RAD51B: variants seen among roughly 807,000 people sequenced by gnomAD.
RAD51B encodes DNA repair protein RAD51 homolog 2.
A neutral mutation model predicts 42.2 loss-of-function variants in RAD51B; 38 were observed. The observed-to-expected ratio is 0.90, with a 90% confidence interval of 0.70 to 1.18. RAD51B has a LOEUF of 1.18. Ranked by LOEUF, RAD51B falls within the 50% of genes most tolerant of loss-of-function variation. The probability of loss-of-function intolerance (pLI) is 0.00; values close to 1 mark genes in which losing one functional copy is unlikely to be tolerated. For synonymous variants in RAD51B, 154 were observed against 145.2 expected, an observed-to-expected ratio of 1.06 and a Z score of -0.43; for missense variants, 373 against 400.7, an observed-to-expected ratio of 0.93 and a Z score of 0.59.
chr14:68,423,301 G>A (rs552581841), intron 9 of RAD51B, among the ~76,000 whole-genome samples: 53 of 152,242 alleles, frequency 3.5e-4, no homozygotes, highest in Admixed American at 8.5e-4. Context: ...GTCTGGGAGG[G>A]ATTGAAAACA....
Position 67,843,780 on chromosome 14 carries a change from C to A in RAD51B, c.315+8584C>A, listed in dbSNP as rs116932777. Among the ~76,000 whole-genome samples, 208 of 148,876 alleles carry A rather than the reference C, an allele frequency of 1.4e-3. 3 individuals are homozygous for A. The East Asian group carries it at 0.037, about 26-fold the overall frequency. Reference sequence around the variant, plus strand: ...TAGCTAGCAGTTTATCTTATATATTCTTTCAAGGAACAAACTCCTTGATTC... The same window carrying A: ...TAGCTAGCAGTTTATCTTATATATTATTTCAAGGAACAAACTCCTTGATTC... On this transcript the variant is annotated intron_variant, in intron 4 of 10. Transcript: ENST00000471583.
At chr14:68,039,107 G>GA (rs2076178203) in intron 7 of RAD51B, among the ~76,000 whole-genome samples, 1 of 152,020 alleles carries the variant, frequency 6.6e-6, no homozygotes, top group Admixed American at 6.6e-5. Flanking sequence ...GAAAGTGATG[G>GA]AAAAAATGTT....
At chr14:68,100,990 G>A (rs7145089) in intron 7 of RAD51B, among the ~76,000 whole-genome samples, 15,721 of 152,160 alleles carry the variant, frequency 0.1, 2,465 homozygotes, top group African/African-American at 0.34. Flanking sequence ...GAAACTTACA[G>A]TCATGGCAGA....
intron 7 of RAD51B, among the ~76,000 whole-genome samples, chr14:68,059,559 G>A (rs556103451): frequency 8.9e-4 from 135 of 152,156 alleles, no homozygotes; most frequent in African/African-American, 2.8e-3. Context: ...ACATATGCCC[G>A]TAATATTCCC....
intron 8 of RAD51B, among the ~76,000 whole-genome samples, chr14:68,338,471 A>C (rs568044988): frequency 6.6e-6 from 1 of 152,294 alleles, no homozygotes; most frequent in South Asian, 2.1e-4. Context: ...CAGCCCAGGG[A>C]GACTAGCATC....
At chr14:68,394,994 G>A (rs1275427575) in intron 8 of RAD51B, among the ~76,000 whole-genome samples, 2 of 151,996 alleles carry the variant, frequency 1.3e-5, no homozygotes, top group Non-Finnish European at 2.9e-5. Context: ...CACTGGCCTC[G>A]GCTCCCCGCA....
intron 11 of RAD51B, among the ~76,000 whole-genome samples, chr14:68,656,124 T>C (rs1174163590): frequency 1.3e-5 from 2 of 152,124 alleles, no homozygotes; most frequent in Admixed American, 6.5e-5. Context: ...TGGCAGGCAT[T>C]GACAGCACCA....
chr14:67,911,554 A>G (rs1008364965), intron 7 of RAD51B, among the ~76,000 whole-genome samples: 2 of 152,162 alleles, frequency 1.3e-5, no homozygotes, highest in African/African-American at 4.8e-5. Flanking sequence ...GAGGGGTGCC[A>G]TTTCTGATTA....
chr14:68,349,619 G>A (rs1297930496), intron 8 of RAD51B, among the ~76,000 whole-genome samples: 1 of 152,162 alleles, frequency 6.6e-6, no homozygotes, highest in African/African-American at 2.4e-5. Context: ...ACCCACCTCG[G>A]CCTCCCAAAG....
chr14:68,405,237 G>C (rs2140063230), intron 8 of RAD51B, among the ~76,000 whole-genome samples: 2 of 152,218 alleles, frequency 1.3e-5, no homozygotes, highest in South Asian at 4.1e-4. Flanking sequence ...AAAAAATATT[G>C]CCTTTCCACC....
At chr14:68,022,251 A>G (rs2075879215) in intron 7 of RAD51B, among the ~76,000 whole-genome samples, 1 of 152,172 alleles carries the variant, frequency 6.6e-6, no homozygotes, top group African/African-American at 2.4e-5. Context: ...TGTTGCTGCA[A>G]AGGACATGAT....
At chr14:67,848,543 A>C (rs959336791) in intron 4 of RAD51B, among the ~76,000 whole-genome samples, 3 of 151,752 alleles carry the variant, frequency 2.0e-5, no homozygotes, top group African/African-American at 7.3e-5. Flanking sequence ...CTAGCTTACC[A>C]TTCTGTGTCT....
At chr14:68,207,209 TAC>T (rs531785707) in intron 7 of RAD51B, among the ~76,000 whole-genome samples, 13 of 150,846 alleles carry the variant, frequency 8.6e-5, no homozygotes, top group Middle Eastern at 3.4e-3. Flanking sequence ...TGGGGAAAAA[TAC>T]ACACACACAC....
chr14:68,427,982 G>A (rs2084895118), intron 9 of RAD51B, among the ~76,000 whole-genome samples: 1 of 152,214 alleles, frequency 6.6e-6, no homozygotes, highest in South Asian at 2.1e-4. Context: ...TATTGTGAAA[G>A]TGAGTTTGTT....
In RAD51B at chr14:68,331,377, A is replaced by AAAAAAAAAAAAAAAAAAAAAAAAC. The variant is rs2082347240; in HGVS notation, c.853+39405_853+39406insAAAAAAAAAAAAAAACAAAAAAAA. Among the ~76,000 whole-genome samples the AAAAAAAAAAAAAAAAAAAAAAAAC allele has an allele frequency of 1.4e-5, 2 of 147,720 alleles. 1 individual carries two copies. Among genetic ancestry groups the AAAAAAAAAAAAAAAAAAAAAAAAC allele is most frequent in the African/African-American group, 4.9e-5 (2 of 40,720 alleles). Reference sequence around the variant, plus strand: ...AACGAGACTCTGTCTCAAAAAAAAAAAAAAAAAAGCAATGGTGTTGGCATT... The same window carrying AAAAAAAAAAAAAAAAAAAAAAAAC: ...AACGAGACTCTGTCTCAAAAAAAAAAAAAAAAAAAAAAAAAAAAAAAAACAAAAAAAAGCAATGGTGTTGGCATT... On this transcript the variant is annotated intron_variant, in intron 8 of 10. Coordinates refer to ENST00000471583, the MANE Select transcript of RAD51B (RefSeq NM_133510.4).
intron 8 of RAD51B, among the ~76,000 whole-genome samples, chr14:68,344,283 C>T (rs1029747705): frequency 1.3e-5 from 2 of 152,266 alleles, no homozygotes; most frequent in African/African-American, 2.4e-5. Context: ...ACAGGGACAG[C>T]GCTGCCCATG....
chr14:68,029,268 G>GCTT (rs1182512472), intron 7 of RAD51B, among the ~76,000 whole-genome samples: 3 of 152,124 alleles, frequency 2.0e-5, no homozygotes, highest in Admixed American at 2.0e-4. Flanking sequence ...GTGCTTCTTG[G>GCTT]CTTCATCTAG....
At chr14:67,871,185 G>A (rs1033129207) in intron 5 of RAD51B, among the ~76,000 whole-genome samples, 66 of 152,010 alleles carry the variant, frequency 4.3e-4, no homozygotes, top group Admixed American at 9.8e-4. Context: ...TTGATAGACC[G>A]CTAGCAAGAC....
intron 8 of RAD51B, among the ~76,000 whole-genome samples, chr14:68,357,330 T>G (rs935379250): frequency 6.6e-6 from 1 of 152,222 alleles, no homozygotes; most frequent in Non-Finnish European, 1.5e-5. Flanking sequence ...CATTTCTAAT[T>G]CTAATTCTCT....
Sources: allele counts gnomAD v4.1 joint callset (sites outside exome capture counted in the v4.1 genomes callset), GRCh38; gene constraint gnomAD v4.1.1; transcripts MANE v1.5; gene names NCBI Gene and HGNC (gene_info 2026-07-23, HGNC 2026-07-21).